TENM2: variants seen among roughly 807,000 people sequenced by gnomAD.
The protein encoded by TENM2 is teneurin-2.
A neutral mutation model predicts 245.2 loss-of-function variants in TENM2; 52 were observed. That is an observed-to-expected ratio of 0.21 (90% CI 0.17 to 0.27). TENM2 has a LOEUF of 0.27. Ranked by LOEUF, TENM2 falls within the 10% of genes least tolerant of loss-of-function variation. TENM2 has a pLI of 1.00. For missense variants in TENM2, 3,046 were observed against 3,666.8 expected, an observed-to-expected ratio of 0.83 and a Z score of 4.37; for synonymous variants, 1,363 against 1,438.9, an observed-to-expected ratio of 0.95 and a Z score of 1.19.
At position 167,374,800 on chromosome 5, in the gene TENM2, A is replaced by G. The variant is rs947182347; in HGVS notation, c.227-398A>G. On this transcript the variant is annotated intron_variant, in intron 1 of 28. Transcript: ENST00000518659. The stretch of plus-strand genomic sequence containing the variant: ...TCTACAAAAGGATTACAGTAATATT[A>G]TCATCTTCATAAAGTTGCAAAACAT... Among the ~76,000 whole-genome samples the G allele has an allele frequency of 4.8e-4, 73 of 152,150 alleles. 1 individual carries two copies. Among genetic ancestry groups the G allele is most frequent in the Admixed American group, 2.6e-4 (4 of 15,278 alleles).
At chr5:167,100,551 A>G in the TENM2 span, among the ~76,000 whole-genome samples, 1 of 152,148 alleles carries the variant, frequency 6.6e-6, no homozygotes, top group Non-Finnish European at 1.5e-5. Context: ...TGTTTTTGAT[A>G]AACGGATTGA....
intron 5 of TENM2, among the ~76,000 whole-genome samples, chr5:168,033,537 A>G (rs1375254422): frequency 1.3e-5 from 2 of 152,174 alleles, no homozygotes; most frequent in African/African-American, 4.8e-5. Flanking sequence ...TATCATTATT[A>G]TTAGCCTGGC....
chr5:167,898,619 C>T (rs1583310160), intron 3 of TENM2, among the ~76,000 whole-genome samples: 1 of 152,134 alleles, frequency 6.6e-6, no homozygotes, highest in Non-Finnish European at 1.5e-5. Flanking sequence ...GGGAGAGAGA[C>T]TGGAGATGTA....
intron 6 of TENM2, among the ~76,000 whole-genome samples, chr5:168,060,702 A>G (rs191009952): frequency 1.3e-5 from 2 of 152,340 alleles, no homozygotes; most frequent in Non-Finnish European, 2.9e-5. Flanking sequence ...CATATTTTAA[A>G]GAAAATAAGA....
At chr5:168,089,234 C>T (rs1054342676) in intron 7 of TENM2, among the ~76,000 whole-genome samples, 12 of 152,180 alleles carry the variant, frequency 7.9e-5, no homozygotes, top group Admixed American at 3.9e-4. Flanking sequence ...AGTTGTCCCC[C>T]GCTTCTCATT....
the TENM2 span, among the ~76,000 whole-genome samples, chr5:167,182,191 T>C: frequency 2.6e-5 from 4 of 152,176 alleles, no homozygotes; most frequent in African/African-American, 9.6e-5. Context: ...GCTAATGATA[T>C]TGACTTAAAT....
intron 2 of TENM2, among the ~76,000 whole-genome samples, chr5:167,605,826 C>G (rs566017960): frequency 2.0e-5 from 3 of 152,068 alleles, no homozygotes; most frequent in African/African-American, 4.8e-5. Context: ...GGTTCTTTCC[C>G]GGGAATGCAC....
intron 19 of TENM2, among the ~76,000 whole-genome samples, chr5:168,209,110 G>T (rs1762596367): frequency 1.3e-5 from 2 of 152,236 alleles, no homozygotes; most frequent in African/African-American, 2.4e-5. Context: ...CTTTAGTAGG[G>T]CTGATCAAAA....
intron 1 of TENM2, among the ~76,000 whole-genome samples, chr5:167,369,269 G>A (rs1581861355): frequency 6.6e-6 from 1 of 152,124 alleles, no homozygotes; most frequent in African/African-American, 2.4e-5. Flanking sequence ...ATGTCCAGGG[G>A]TTTTAGCTGT....
the TENM2 span, among the ~76,000 whole-genome samples, chr5:166,988,756 C>G: frequency 1.3e-5 from 2 of 152,186 alleles, no homozygotes; most frequent in African/African-American, 4.8e-5. Context: ...ACTGGAAACC[C>G]ATTGCCATGA....
chr5:167,199,484 A>G, the TENM2 span, among the ~76,000 whole-genome samples: 2 of 151,962 alleles, frequency 1.3e-5, no homozygotes, highest in Admixed American at 6.6e-5. Context: ...TTAATTCCAC[A>G]TTTCTCATTC....
chr5:167,814,914 C>G (rs1399025422), intron 2 of TENM2, among the ~76,000 whole-genome samples: 1 of 152,088 alleles, frequency 6.6e-6, no homozygotes. Flanking sequence ...GAGGAAACGG[C>G]TAATGTGGGA....
chr5:167,485,824 C>G (rs1295430969), intron 2 of TENM2, among the ~76,000 whole-genome samples: 1 of 152,110 alleles, frequency 6.6e-6, no homozygotes, highest in African/African-American at 2.4e-5. Context: ...ACTTCTGAAT[C>G]AAGATGCTGT....
At chr5:167,411,963 A>G (rs1352596549) in intron 2 of TENM2, among the ~76,000 whole-genome samples, 1 of 152,144 alleles carries the variant, frequency 6.6e-6, no homozygotes, top group Non-Finnish European at 1.5e-5. Flanking sequence ...TACTACTTAA[A>G]TGCAAGTATT....
intron 2 of TENM2, among the ~76,000 whole-genome samples, chr5:167,469,165 G>A (rs1766851720): frequency 6.6e-6 from 1 of 152,082 alleles, no homozygotes; most frequent in East Asian, 1.9e-4. Context: ...CTTTTCATCT[G>A]AAGTTAGGCT....
chr5:168,016,195 A>G (rs772955560), intron 5 of TENM2, among the ~76,000 whole-genome samples: 1 of 152,044 alleles, frequency 6.6e-6, no homozygotes, highest in Non-Finnish European at 1.5e-5. Flanking sequence ...TCTCCATTTC[A>G]CAGATGAGGA....
chr5:167,693,131 G>C (rs1350419742), intron 2 of TENM2, among the ~76,000 whole-genome samples: 1 of 152,174 alleles, frequency 6.6e-6, no homozygotes, highest in African/African-American at 2.4e-5. Flanking sequence ...GCTATTAGTA[G>C]AGTGTGGCTG....
At chr5:167,550,552 A>G (rs1772859570) in intron 2 of TENM2, among the ~76,000 whole-genome samples, 1 of 152,186 alleles carries the variant, frequency 6.6e-6, no homozygotes, top group African/African-American at 2.4e-5. Flanking sequence ...GAATTTGCTA[A>G]TAGCAGTCAG....
At chr5:167,455,279 T>C (rs1477987128) in intron 2 of TENM2, among the ~76,000 whole-genome samples, 2 of 152,194 alleles carry the variant, frequency 1.3e-5, no homozygotes, top group African/African-American at 2.4e-5. Context: ...AATATACAGT[T>C]CATCATTTGG....
Sources: allele counts gnomAD v4.1 joint callset (sites outside exome capture counted in the v4.1 genomes callset), GRCh38; gene constraint gnomAD v4.1.1; transcripts MANE v1.5; gene names NCBI Gene and HGNC (gene_info 2026-07-23, HGNC 2026-07-21).